The following TRAK2 variants were observed in gnomAD, a reference collection of about 807,000 sequenced individuals.
TRAK2 encodes the protein trafficking kinesin protein 2, also known as trafficking kinesin-binding protein 2.
In TRAK2, 81 loss-of-function variants were observed where a neutral mutation model predicts 104.6. That is an observed-to-expected ratio of 0.77 (90% CI 0.65 to 0.93). The LOEUF (loss-of-function observed/expected upper bound fraction) is 0.93. Ranked by LOEUF, TRAK2 falls within the 40% of genes least tolerant of loss-of-function variation. The pLI is 0.00. For synonymous variants in TRAK2, 406 were observed against 394.4 expected (o/e 1.03, Z -0.35); for missense variants, 1,002 against 1,089.0 (o/e 0.92, Z 1.12).
chr2:201,432,070 T>G (rs1209650491), intron 1 of TRAK2, among the ~76,000 whole-genome samples: 1 of 152,232 alleles, frequency 6.6e-6, no homozygotes, highest in East Asian at 1.9e-4. Flanking sequence ...AGTACTATTT[T>G]ATAATTATTA....
intron 2 of TRAK2, chr2:201,411,770 G>T (rs1459517028): frequency 1.3e-6 from 1 of 791,080 alleles, no homozygotes; most frequent in Non-Finnish European, 2.3e-6. Context: ...ACTTATCCAA[G>T]TATTCCAAAA....
In TRAK2 at chr2:201,386,213, C is replaced by T; in HGVS notation, c.1963+5G>A. 1 of 1,614,016 alleles carries T rather than the reference C, an allele frequency of 6.2e-7. No homozygotes were observed. ...ATACCATATTCAACCAGACACTCTT[C>T]TCACCTGTAACTGGTCCACCTGCTG... On this transcript the variant is annotated splice_donor_5th_base_variant and intron_variant, in intron 14 of 15. Coordinates refer to ENST00000332624, the MANE Select transcript of TRAK2 (RefSeq NM_015049.3).
At chr2:201,425,936 T>C (rs893821547) in intron 1 of TRAK2, among the ~76,000 whole-genome samples, 1 of 152,196 alleles carries the variant, frequency 6.6e-6, no homozygotes, top group African/African-American at 2.4e-5. Context: ...CACCACTCTG[T>C]TACATACTAG....
intron 4 of TRAK2, 76 bp downstream of exon 4, chr2:201,400,942 A>T: frequency 1.8e-6 from 2 of 1,141,244 alleles, no homozygotes; most frequent in South Asian, 2.6e-5. Context: ...TTTCCATTTG[A>T]TGTGCAAATT....
At chr2:201,426,339 T>C (rs1339484713) in intron 1 of TRAK2, among the ~76,000 whole-genome samples, 1 of 152,196 alleles carries the variant, frequency 6.6e-6, no homozygotes, top group Non-Finnish European at 1.5e-5. Context: ...CTCTCTCCCA[T>C]CACCTCCAGA....
At chr2:201,433,046 TGACAAA>T (rs1189638180) in intron 1 of TRAK2, among the ~76,000 whole-genome samples, 1 of 152,190 alleles carries the variant, frequency 6.6e-6, no homozygotes, top group Non-Finnish European at 1.5e-5. Flanking sequence ...AATATATTTT[TGACAAA>T]GACAGAGACT....
chr2:201,422,189 C>T (rs1056647257), intron 1 of TRAK2, among the ~76,000 whole-genome samples: 2 of 151,700 alleles, frequency 1.3e-5, no homozygotes, highest in South Asian at 2.1e-4. Flanking sequence ...GATATACTCA[C>T]GAAGTGTGCT....
At chr2:201,406,974 C>T (rs1291169652) in intron 3 of TRAK2, among the ~76,000 whole-genome samples, 3 of 152,176 alleles carry the variant, frequency 2.0e-5, no homozygotes, top group African/African-American at 7.2e-5. Flanking sequence ...AAGAACTATG[C>T]TTCGTTATGC....
At chr2:201,412,807 T>C in intron 2 of TRAK2, 1 of 990,558 alleles carries the variant, frequency 1.0e-6, no homozygotes, top group Non-Finnish European at 1.6e-6. Context: ...CACACTGCTA[T>C]GCAAGAATGA....
At chr2:201,434,524 C>T (rs1209662908) in intron 1 of TRAK2, among the ~76,000 whole-genome samples, 1 of 151,900 alleles carries the variant, frequency 6.6e-6, no homozygotes, top group Non-Finnish European at 1.5e-5. Flanking sequence ...TGTCCCTATC[C>T]ATAAAGTTCA....
intron 1 of TRAK2, among the ~76,000 whole-genome samples, chr2:201,436,141 G>A (rs1008915943): frequency 1.2e-4 from 18 of 151,532 alleles, no homozygotes; most frequent in Non-Finnish European, 2.1e-4. Context: ...CTAAAGTAAC[G>A]ATTAAAAAAG....
At chr2:201,437,217 G>A (rs1250524821) in intron 1 of TRAK2, among the ~76,000 whole-genome samples, 2 of 152,142 alleles carry the variant, frequency 1.3e-5, no homozygotes, top group African/African-American at 4.8e-5. Context: ...ATTAGATTCA[G>A]AGCTTGAAGG....
At chr2:201,425,623 A>G (rs1951780751) in intron 1 of TRAK2, among the ~76,000 whole-genome samples, 1 of 150,964 alleles carries the variant, frequency 6.6e-6, no homozygotes, top group Non-Finnish European at 1.5e-5. Context: ...TTGGTCTCAA[A>G]CTCCTGACCT....
rs75454377 is a variant in TRAK2 at position 201,426,552 on chromosome 2, G to A, written c.-199-5846C>T. ...GGAAAAATTGTCTTCCACGAAACCA[G>A]TCCCTGATGGCAGAAAGGCTGGGGA... On this transcript the variant is annotated intron_variant, in intron 1 of 15. Transcript: ENST00000332624. 1.2e-4 allele frequency among the ~76,000 whole-genome samples: 18 copies of A among 152,284 alleles called. 1 individual carries two copies. In the East Asian group the frequency reaches 3.5e-3, roughly 29 times the overall value.
intron 1 of TRAK2, among the ~76,000 whole-genome samples, chr2:201,448,925 C>T (rs991248611): frequency 1.3e-5 from 2 of 152,136 alleles, no homozygotes; most frequent in Non-Finnish European, 2.9e-5. Context: ...GGTCTCAAGT[C>T]ATCCTCCTGC....
At chr2:201,438,373 T>C (rs557434339) in intron 1 of TRAK2, among the ~76,000 whole-genome samples, 28 of 152,330 alleles carry the variant, frequency 1.8e-4, no homozygotes, top group African/African-American at 6.0e-4. Flanking sequence ...AGTTAGCTGA[T>C]TGAGTACTTA....
intron 14 of TRAK2, among the ~76,000 whole-genome samples, chr2:201,384,883 G>A (rs1421315204): frequency 6.6e-6 from 1 of 152,140 alleles, no homozygotes; most frequent in African/African-American, 2.4e-5. Flanking sequence ...AAGCACTCTT[G>A]CTGCACACTG....
rs1951974052 is a variant in TRAK2, at chr2:201,447,595, C to T, written c.-200+3755G>A. 6.6e-6 allele frequency among the ~76,000 whole-genome samples: 1 copy of T among 152,150 alleles called. No individual in the cohort carries two copies. Among genetic ancestry groups the T allele is most frequent in the African/African-American group, 2.4e-5 (1 of 41,424 alleles). On this transcript the variant is annotated intron_variant, in intron 1 of 15. Coordinates refer to ENST00000332624, the MANE Select transcript of TRAK2 (RefSeq NM_015049.3). This position sits in a 1 kb window ranked among gnomAD's most constrained non-coding sequence, Gnocchi z 4.1. Reference sequence around the variant, plus strand: ...CATGGTCTTTCCTTTGTGTGTGCAACTCCTGTGTCTCTTTTTGTGCTCAAA... The same window carrying T: ...CATGGTCTTTCCTTTGTGTGTGCAATTCCTGTGTCTCTTTTTGTGCTCAAA...
intron 9 of TRAK2, among the ~76,000 whole-genome samples, chr2:201,394,224 A>C (rs560485660): frequency 2.6e-5 from 4 of 152,232 alleles, no homozygotes; most frequent in African/African-American, 9.6e-5. Context: ...GTCAGCTGGT[A>C]AAAGAGTGAT....
Sources: gnomAD v4.1 joint callset for allele counts (sites outside exome capture counted in the v4.1 genomes callset) on GRCh38, gnomAD v4.1.1 for gene constraint, Gnocchi (gnomAD v3.1) non-coding constraint, MANE v1.5 for transcripts, NCBI Gene and HGNC (gene_info 2026-07-23, HGNC 2026-07-21) for gene names.